Variants in CNTN3 observed in about 807,000 individuals in gnomAD.
The protein encoded by CNTN3 is contactin-3.
In CNTN3, 60 loss-of-function variants were observed where a neutral mutation model predicts 119.1. That is an observed-to-expected ratio of 0.50 (90% CI 0.41 to 0.62). The LOEUF (loss-of-function observed/expected upper bound fraction) is 0.62. Ranked by LOEUF, CNTN3 falls within the 20% of genes least tolerant of loss-of-function variation. CNTN3 has a pLI of 0.00. For synonymous variants in CNTN3, 450 were observed against 438.7 expected (o/e 1.03, Z -0.32); for missense variants, 1,101 against 1,242.4 (o/e 0.89, Z 1.71).
intron 20 of CNTN3, among the ~76,000 whole-genome samples, chr3:74,276,658 C>T (rs1369337929): frequency 6.6e-6 from 1 of 151,882 alleles, no homozygotes; most frequent in Non-Finnish European, 1.5e-5. Context: ...GTTCATAGCT[C>T]TAAAAACCGA....
At chr3:74,401,515 C>G (rs12495447) in intron 5 of CNTN3, among the ~76,000 whole-genome samples, 3 of 149,480 alleles carry the variant, frequency 2.0e-5, no homozygotes, top group South Asian at 2.1e-4. Context: ...CACGCGCGCA[C>G]GCACACACAC....
chr3:74,391,337 C>G (rs553118254), intron 5 of CNTN3, among the ~76,000 whole-genome samples: 4 of 152,096 alleles, frequency 2.6e-5, no homozygotes, highest in Admixed American at 6.6e-5. Context: ...AAGTAGTGCT[C>G]AGGTGTATGG....
intron 5 of CNTN3, among the ~76,000 whole-genome samples, chr3:74,393,938 A>G (rs1254960511): frequency 2.0e-5 from 3 of 152,248 alleles, no homozygotes; most frequent in African/African-American, 7.2e-5. Context: ...AGAGCATCAT[A>G]AAAGTACATT....
chr3:74,303,570 GT>G (rs774274227), intron 13 of CNTN3, among the ~76,000 whole-genome samples: 82 of 152,088 alleles, frequency 5.4e-4, no homozygotes, highest in Admixed American at 3.2e-3. Context: ...GCGTGCCCCT[GT>G]AATCTCACCT....
chr3:74,486,489 T>A lies in CNTN3; in HGVS notation c.325A>T (p.Ile109Phe). Residue 109 changes from isoleucine to phenylalanine, a missense_variant, in exon 4 of 23, where the codon ATT becomes TTT. Physicochemically the swap from Ile to Phe is conservative, Grantham distance 21. Transcript: ENST00000263665. The stretch of plus-strand genomic sequence containing the variant: ...TGAAGTTTGGCTTCTCTGCTGACAA[T>A]TGTTCCAAGTGAATTTGTTGCAAAA... ...QCFATNSLGT[I>F]VSREAKLQFA... 1 of 1,606,150 alleles carries A rather than the reference T, an allele frequency of 6.2e-7. No homozygotes were observed. Among genetic ancestry groups the A allele is most frequent in the Non-Finnish European group, 8.5e-7 (1 of 1,178,250 alleles).
At chr3:74,505,137 G>A (rs931188427) in intron 2 of CNTN3, among the ~76,000 whole-genome samples, 3 of 151,780 alleles carry the variant, frequency 2.0e-5, no homozygotes, top group Non-Finnish European at 2.9e-5. Context: ...AATGGATGAG[G>A]GCCCACACTA....
At chr3:74,422,260 G>A (rs1019861813) in intron 5 of CNTN3, among the ~76,000 whole-genome samples, 3 of 152,094 alleles carry the variant, frequency 2.0e-5, no homozygotes, top group African/African-American at 4.8e-5. Flanking sequence ...ATCTAAATCT[G>A]TACAATCTGG....
Position 74,285,321 on chromosome 3 carries a change from T to C in CNTN3, c.2688A>G (p.Val896=). ...TATACTTACGCGTTTTCTTGGTGGT[T>C]ACATTAACTGTGGCGCTAAAAGGCC... ...GAGPFSATVN[V]TTKKTPPSQP... is the part of the protein sequence containing the mutation. Residue 896 remains valine, a synonymous_variant, in exon 20 of 23, where the codon GTA becomes GTG. Transcript: ENST00000263665. 6.2e-7 allele frequency: 1 copy of C among 1,604,498 alleles called. No individual in the cohort carries two copies. Among genetic ancestry groups the C allele is most frequent in the South Asian group, 1.1e-5 (1 of 90,264 alleles).
chr3:74,486,536 C>T lies in CNTN3; in HGVS notation c.278G>A (p.Trp93Ter). The T allele has an allele frequency of 6.2e-7, 1 of 1,610,350 alleles. No individual in the cohort carries two copies. Among genetic ancestry groups the T allele is most frequent in the Non-Finnish European group, 8.5e-7 (1 of 1,179,176 alleles). Residue 93 changes from tryptophan to a stop codon, truncating the protein, a stop_gained, in exon 4 of 23, where the codon TGG (tryptophan) becomes TAG (stop). Coordinates refer to ENST00000263665, the MANE Select transcript of CNTN3 (RefSeq NM_020872.3). LOFTEE classifies it high-confidence loss of function. Reference sequence around the variant, plus strand: ...AAAACATTGGTAAGTTCCTGTATCCCAATTTCTGTTGGGATTAATAACCAC... The same window carrying T: ...AAAACATTGGTAAGTTCCTGTATCCTAATTTCTGTTGGGATTAATAACCAC... Reference protein sequence around the residue: ...NLVVINPNRNWDTGTYQCFAT... With the variant: ...NLVVINPNRN
intron 5 of CNTN3, among the ~76,000 whole-genome samples, chr3:74,401,190 A>G (rs1050275873): frequency 2.3e-4 from 35 of 152,158 alleles, no homozygotes; most frequent in Admixed American, 1.4e-3. Flanking sequence ...GGTTTAATGC[A>G]TTCTAGTTCC....
intron 1 of CNTN3, among the ~76,000 whole-genome samples, chr3:74,588,154 G>C (rs1704631533): frequency 6.6e-6 from 1 of 151,866 alleles, no homozygotes; most frequent in Non-Finnish European, 1.5e-5. Context: ...TGGTGGATAA[G>C]CTTTTTGATG....
intron 19 of CNTN3, among the ~76,000 whole-genome samples, chr3:74,285,920 C>A (rs1433565358): frequency 1.3e-5 from 2 of 148,196 alleles, no homozygotes; most frequent in Admixed American, 1.4e-4. Context: ...CAATTTTGCT[C>A]AAAAATGTTT....
chr3:74,319,054 T>C (rs1249013709), intron 13 of CNTN3, among the ~76,000 whole-genome samples: 2 of 152,082 alleles, frequency 1.3e-5, no homozygotes, highest in African/African-American at 2.4e-5. Context: ...TGCTCATGGG[T>C]AGGAAGAATC....
chr3:74,590,949 C>G (rs959093863), intron 1 of CNTN3, among the ~76,000 whole-genome samples: 1 of 151,884 alleles, frequency 6.6e-6, no homozygotes, highest in Non-Finnish European at 1.5e-5. Flanking sequence ...ATATACATAA[C>G]TAGTTATTTT....
At chr3:74,370,702 C>T (rs1326231805) in intron 6 of CNTN3, among the ~76,000 whole-genome samples, 2 of 152,214 alleles carry the variant, frequency 1.3e-5, no homozygotes, top group African/African-American at 4.8e-5. Context: ...TCTGCTTCCT[C>T]GGCAGCTCAT....
intron 1 of CNTN3, among the ~76,000 whole-genome samples, chr3:74,544,819 C>T (rs1384358853): frequency 6.6e-6 from 1 of 152,048 alleles, no homozygotes; most frequent in African/African-American, 2.4e-5. Flanking sequence ...AGGATGGTCA[C>T]GATCTCCTGA....
chr3:74,388,978 G>A (rs907763279), intron 5 of CNTN3, among the ~76,000 whole-genome samples: 4 of 151,998 alleles, frequency 2.6e-5, no homozygotes, highest in African/African-American at 7.3e-5. Context: ...CTGGCCATTC[G>A]TCTTACACGA....
intron 5 of CNTN3, among the ~76,000 whole-genome samples, chr3:74,381,733 G>A (rs547397954): frequency 8.5e-5 from 13 of 152,152 alleles, no homozygotes; most frequent in African/African-American, 2.4e-4. Flanking sequence ...CTGTAGAAAA[G>A]TCTTTCAAAG....
chr3:74,552,112 C>A (rs1704001366), intron 1 of CNTN3, among the ~76,000 whole-genome samples: 1 of 152,074 alleles, frequency 6.6e-6, no homozygotes, highest in African/African-American at 2.4e-5. Flanking sequence ...TTCTCCATGT[C>A]TTTTCATGGC....
Sources: gnomAD v4.1 joint callset for allele counts (sites outside exome capture counted in the v4.1 genomes callset) on GRCh38, gnomAD v4.1.1 for gene constraint, MANE v1.5 for transcripts, NCBI Gene and HGNC (gene_info 2026-07-23, HGNC 2026-07-21) for gene names.